Variants in GPAT4 observed in about 807,000 individuals in gnomAD.
The protein encoded by GPAT4 is 1-AGP acyltransferase 6.
Under a neutral mutation model 58.0 loss-of-function variants are expected in GPAT4, and 17 were observed. The ratio of observed to expected loss-of-function variants is 0.29; its 90% CI spans 0.20 to 0.44. GPAT4 has a LOEUF of 0.44. GPAT4 is among the 20% of genes least tolerant of loss of function. The probability of loss-of-function intolerance (pLI) is 1.00; values close to 1 mark genes in which losing one functional copy is unlikely to be tolerated. For synonymous variants in GPAT4, 204 were observed against 210.1 expected, an observed-to-expected ratio of 0.97 and a Z score of 0.25; for missense variants, 377 against 574.5, an observed-to-expected ratio of 0.66 and a Z score of 3.51.
rs907594739 is a variant in GPAT4 at position 41,598,891 on chromosome 8, A to C, written c.-249A>C. ...TTTACTGAAGACCCATCTAGCTTCA[A>C]TCATCTTTAGAGTCCATCCATTCTG... On this transcript the variant is annotated 5_prime_UTR_variant, in exon 2 of 13. Coordinates refer to ENST00000396987, the MANE Select transcript of GPAT4 (RefSeq NM_178819.4). 3 of 467,942 alleles carry C rather than the reference A, an allele frequency of 6.4e-6. No homozygotes were observed. The highest frequency in any genetic ancestry group is 6.1e-5 in the African/African-American group (3 of 49,198). 29.0% of individuals were successfully genotyped at this position (467,942 alleles called of 1,614,324 possible).
intron 1 of GPAT4, among the ~76,000 whole-genome samples, chr8:41,590,663 A>G (rs1802765701): frequency 6.6e-6 from 1 of 152,226 alleles, no homozygotes. Flanking sequence ...CAATGTTAGC[A>G]ATCGCAGTGA....
rs571325619 is a variant in GPAT4, at chr8:41,604,284, C to G, written c.165+4980C>G. Among the ~76,000 whole-genome samples the G allele has an allele frequency of 6.6e-4, 101 of 152,312 alleles. 1 individual carries two copies. The highest frequency in any genetic ancestry group is 2.3e-3 in the African/African-American group (94 of 41,570). On this transcript the variant is annotated intron_variant, in intron 2 of 12. Coordinates refer to ENST00000396987, the MANE Select transcript of GPAT4 (RefSeq NM_178819.4). ...GCTAGCCCTGGCTTACAGCTCCTTT[C>G]CCATGACTAGTTCTCCCTATATAAA...
intron 2 of GPAT4, among the ~76,000 whole-genome samples, chr8:41,602,045 C>T (rs995566920): frequency 9.2e-5 from 14 of 152,204 alleles, no homozygotes; most frequent in Non-Finnish European, 1.6e-4. Context: ...GCCTCCTCGT[C>T]CTGGGTTCAA....
intron 9 of GPAT4, 34 bp downstream of exon 9, chr8:41,614,475 G>A (rs755677401): frequency 1.2e-6 from 2 of 1,604,162 alleles, no homozygotes; most frequent in Non-Finnish European, 8.5e-7. Context: ...AAGGGCTTCT[G>A]TGGGGAGTGC....
At chr8:41,578,957 A>G (rs1802437531) in intron 1 of GPAT4, among the ~76,000 whole-genome samples, 1 of 152,162 alleles carries the variant, frequency 6.6e-6, no homozygotes, top group African/African-American at 2.4e-5. Context: ...TCCTCTGCCA[A>G]GTATTACCAT....
chr8:41,607,140 C>T (rs1803297973), intron 2 of GPAT4, among the ~76,000 whole-genome samples: 1 of 152,178 alleles, frequency 6.6e-6, no homozygotes, highest in South Asian at 2.1e-4. Context: ...AATGATCCTC[C>T]TGCCCATAGT....
chr8:41,597,715 G>A (rs1802969857), intron 1 of GPAT4, among the ~76,000 whole-genome samples: 1 of 152,166 alleles, frequency 6.6e-6, no homozygotes, highest in South Asian at 2.1e-4. Flanking sequence ...TTCTTAAGTT[G>A]AAAACTTTGC....
In GPAT4 at chr8:41,624,685, C is replaced by G. The variant is rs1260432260; in HGVS notation, c.*3684C>G. 4 of 152,290 alleles carry G rather than the reference C, an allele frequency of 2.6e-5. No homozygotes were observed. Among genetic ancestry groups the G allele is most frequent in the African/African-American group, 9.7e-5 (4 of 41,450 alleles). 9.4% of individuals were successfully genotyped at this position (152,290 alleles called of 1,614,324 possible). On this transcript the variant is annotated 3_prime_UTR_variant, in exon 13 of 13. Transcript: ENST00000396987. ...AGCACGCACACCCCACTCTCTCCCC[C>G]AGTCAATATGTCTCTCTCCGATGGG...
chr8:41,610,501 C>T, intron 4 of GPAT4: 1 of 1,385,560 alleles, frequency 7.2e-7, no homozygotes. Context: ...CTGCCTGAGG[C>T]CTCAGGAGAT....
chr8:41,587,551 T>C lies in GPAT4; in HGVS notation c.-849+9273T>C, dbSNP rs562832976. 8.5e-5 allele frequency among the ~76,000 whole-genome samples: 13 copies of C among 152,346 alleles called. No individual in the cohort carries two copies. In the South Asian group the frequency reaches 2.7e-3, roughly 32 times the overall value. On this transcript the variant is annotated intron_variant, in intron 1 of 12. Transcript: ENST00000396987. ...CAGGGTTTATACACTTCTGCACTAC[T>C]GACATTTGGGGCTGGACAGTTCCTC... is the stretch of plus-strand genomic sequence containing the variant.
chr8:41,608,821 T>G (rs999553535), intron 2 of GPAT4, among the ~76,000 whole-genome samples: 1 of 30,758 alleles, frequency 3.3e-5, no homozygotes, highest in Non-Finnish European at 6.7e-5. Flanking sequence ...GAATCTGGGT[T>G]TTTTTTTTTC....
chr8:41,624,674 ACTCT>A lies in GPAT4; in HGVS notation c.*3677_*3680del, dbSNP rs1803861628. 5 of 151,324 alleles carry A rather than the reference ACTCT, an allele frequency of 3.3e-5. No homozygotes were observed. Among genetic ancestry groups the A allele is most frequent in the Admixed American group, 2.6e-4 (4 of 15,158 alleles). The allele number at this position is 151,324 out of a possible 1,614,324, so 9.4% of individuals were successfully genotyped here. A position where few individuals can be genotyped will look rare whatever the true frequency, so the allele number is the denominator to read the frequency against. On this transcript the variant is annotated 3_prime_UTR_variant, in exon 13 of 13. Transcript: ENST00000396987. ...CCATCTTCTACAGCACGCACACCCC[ACTCT>A]CTCCCCCAGTCAATATGTCTCTCTC...
chr8:41,606,598 T>G (rs1459440553), intron 2 of GPAT4, among the ~76,000 whole-genome samples: 2 of 152,224 alleles, frequency 1.3e-5, no homozygotes, highest in African/African-American at 4.8e-5. Context: ...TTTATTAATG[T>G]GCACAGGAGT....
rs1345616764 is a variant in GPAT4 at position 41,598,452 on chromosome 8, T to G, written c.-688T>G. 6.6e-6 allele frequency: 1 copy of G among 152,230 alleles called. No individual in the cohort carries two copies. The highest frequency in any genetic ancestry group is 1.5e-5 in the Non-Finnish European group (1 of 68,078). 9.4% of individuals were successfully genotyped at this position (152,230 alleles called of 1,614,324 possible). ...CATTGTGTGCCAGCATCTCTTTCCT[T>G]CTGGCAAAGACTGTAGCTCTCCAGG... On this transcript the variant is annotated 5_prime_UTR_variant, in exon 2 of 13. Coordinates refer to ENST00000396987, the MANE Select transcript of GPAT4 (RefSeq NM_178819.4).
rs773999677 is a variant in GPAT4 at position 41,609,728 on chromosome 8, T to G, written c.309T>G (p.Ala103=). 31 of 1,614,082 alleles carry G rather than the reference T, an allele frequency of 1.9e-5. No individual in the cohort carries two copies. The highest frequency in any genetic ancestry group is 2.6e-5 in the Non-Finnish European group (31 of 1,180,026). Residue 103 remains alanine (A), a synonymous_variant, in exon 4 of 13, where the codon GCT becomes GCG. Transcript: ENST00000396987. ...KEIRRSGSSK[A]LDNTPEFELS... is the part of the protein sequence containing the mutation. The stretch of plus-strand genomic sequence containing the variant: ...TTCGTCGAAGTGGTAGTAGTAAGGC[T>G]CTGGACAACACTCCAGAGTTCGAGC...
rs1349520246 is a variant in GPAT4 at position 41,609,038 on chromosome 8, A to G, written c.166-378A>G. Among the ~76,000 whole-genome samples the G allele has an allele frequency of 2.0e-5, 3 of 152,338 alleles. No individual in the cohort carries two copies. In the East Asian group the frequency reaches 5.8e-4, roughly 29 times the overall value. On this transcript the variant is annotated intron_variant, in intron 2 of 12. Transcript: ENST00000396987. Reference sequence around the variant, plus strand: ...TTGGTGGCAGGCAGTAGTTTACAGGATACCTGGCTTCGCTGTTTTGAGTAG... The same window carrying G: ...TTGGTGGCAGGCAGTAGTTTACAGGGTACCTGGCTTCGCTGTTTTGAGTAG...
At chr8:41,579,016 G>A (rs62509770) in intron 1 of GPAT4, among the ~76,000 whole-genome samples, 21,200 of 152,048 alleles carry the variant, frequency 0.14, 1,582 homozygotes, top group Middle Eastern at 0.2. Context: ...TTTTGTTTTT[G>A]GTTCATTTTC....
intron 2 of GPAT4, among the ~76,000 whole-genome samples, chr8:41,607,717 C>T (rs763466065): frequency 6.6e-5 from 10 of 151,892 alleles, no homozygotes; most frequent in Non-Finnish European, 1.3e-4. Flanking sequence ...TTTTTAGATA[C>T]GGGATTTTGC....
At chr8:41,599,745 GT>G (rs982883434) in intron 2 of GPAT4, among the ~76,000 whole-genome samples, 144 of 152,324 alleles carry the variant, frequency 9.5e-4, no homozygotes, top group African/African-American at 3.3e-3. Flanking sequence ...CATTTGAATT[GT>G]TTTATTAAAG....
Sources: allele counts gnomAD v4.1 joint callset (sites outside exome capture counted in the v4.1 genomes callset), GRCh38; gene constraint gnomAD v4.1.1; transcripts MANE v1.5; gene names NCBI Gene and HGNC (gene_info 2026-07-23, HGNC 2026-07-21).